The following ITGBL1 variants were observed in gnomAD, a reference collection of about 807,000 sequenced individuals.
The protein encoded by ITGBL1 is integrin beta-like protein 1.
ITGBL1 carries 51 observed loss-of-function variants against 68.5 expected under a neutral mutation model. The ratio of observed to expected loss-of-function variants is 0.74; its 90% CI spans 0.59 to 0.94. The LOEUF (loss-of-function observed/expected upper bound fraction) is 0.94, where lower values mean the gene tolerates loss of function less well. ITGBL1 is among the 40% of genes least tolerant of loss of function. The pLI is 0.00. For synonymous variants in ITGBL1, 209 were observed against 227.3 expected (o/e 0.92, Z 0.72); for missense variants, 649 against 647.4 (o/e 1.00, Z -0.03).
intron 2 of ITGBL1, among the ~76,000 whole-genome samples, chr13:101,459,528 A>C (rs1038942567): frequency 6.6e-6 from 1 of 152,104 alleles, no homozygotes; most frequent in Non-Finnish European, 1.5e-5. Flanking sequence ...GGATGGCTTG[A>C]TCTCAGGAGT....
intron 7 of ITGBL1, among the ~76,000 whole-genome samples, chr13:101,623,236 G>A (rs1182571157): frequency 5.3e-5 from 8 of 151,770 alleles, no homozygotes; most frequent in Non-Finnish European, 1.0e-4. Flanking sequence ...TTATAATTTA[G>A]CTTGATCCCA....
intron 7 of ITGBL1, among the ~76,000 whole-genome samples, chr13:101,632,861 C>T (rs1247065540): frequency 6.6e-6 from 1 of 152,148 alleles, no homozygotes; most frequent in Non-Finnish European, 1.5e-5. Context: ...CTAAGTCTAG[C>T]CTTCAGTTTA....
intron 7 of ITGBL1, among the ~76,000 whole-genome samples, chr13:101,607,429 T>C (rs773099082): frequency 1.3e-5 from 2 of 152,036 alleles, no homozygotes; most frequent in Non-Finnish European, 2.9e-5. Context: ...TGCAGAATAA[T>C]TGAAATGGCT....
chr13:101,457,356 T>A (rs2048258499), intron 2 of ITGBL1, among the ~76,000 whole-genome samples: 1 of 152,222 alleles, frequency 6.6e-6, no homozygotes, highest in Non-Finnish European at 1.5e-5. Flanking sequence ...ATAACTATTT[T>A]GGCCCAGCCT....
chr13:101,714,608 G>A, intron 10 of ITGBL1, 57 bp downstream of exon 10: 2 of 1,033,722 alleles, frequency 1.9e-6, no homozygotes, highest in Non-Finnish European at 3.1e-6. Context: ...AGAGCCAAGA[G>A]ACACTCGTCA....
At chr13:101,456,301 C>T (rs760163753) in intron 2 of ITGBL1, among the ~76,000 whole-genome samples, 4 of 152,318 alleles carry the variant, frequency 2.6e-5, no homozygotes, top group South Asian at 2.1e-4. Flanking sequence ...AATCTGTCCC[C>T]GCAAATGCCC....
intron 7 of ITGBL1, among the ~76,000 whole-genome samples, chr13:101,625,755 C>T (rs1317702936): frequency 1.3e-5 from 2 of 151,932 alleles, no homozygotes; most frequent in Non-Finnish European, 2.9e-5. Flanking sequence ...GGTTTCATCA[C>T]GTTGGCCAGG....
chr13:101,605,530 A>G (rs1369075579), intron 7 of ITGBL1, among the ~76,000 whole-genome samples: 2 of 151,596 alleles, frequency 1.3e-5, no homozygotes, highest in Non-Finnish European at 2.9e-5. Context: ...AGACATATGT[A>G]TATGCGTATA....
intron 7 of ITGBL1, among the ~76,000 whole-genome samples, chr13:101,626,057 T>A (rs2139398075): frequency 6.6e-6 from 1 of 152,336 alleles, no homozygotes; most frequent in East Asian, 1.9e-4. Context: ...ATTGAGTTGA[T>A]GGGCCTCTTA....
intron 2 of ITGBL1, among the ~76,000 whole-genome samples, chr13:101,511,257 A>G (rs1183582146): frequency 6.6e-6 from 1 of 152,142 alleles, no homozygotes; most frequent in African/African-American, 2.4e-5. Flanking sequence ...TGCAGAAAGT[A>G]TGGGTTCACC....
chr13:101,590,955 G>T (rs1210499044), intron 6 of ITGBL1, among the ~76,000 whole-genome samples: 2 of 151,938 alleles, frequency 1.3e-5, no homozygotes, highest in African/African-American at 4.8e-5. Context: ...ACAGGCTGGC[G>T]TGCAGTGGCA....
intron 7 of ITGBL1, among the ~76,000 whole-genome samples, chr13:101,639,220 TA>T (rs1344340486): frequency 6.6e-6 from 1 of 152,152 alleles, no homozygotes; most frequent in Non-Finnish European, 1.5e-5. Context: ...ATCTAGAAAT[TA>T]CAAAAAAATT....
chr13:101,458,216 G>A (rs1395815954), intron 2 of ITGBL1, among the ~76,000 whole-genome samples: 1 of 152,216 alleles, frequency 6.6e-6, no homozygotes, highest in African/African-American at 2.4e-5. Flanking sequence ...CATTGAGCCA[G>A]GGGTTATATA....
intron 6 of ITGBL1, among the ~76,000 whole-genome samples, chr13:101,593,241 A>C (rs1313003645): frequency 8.7e-6 from 1 of 115,064 alleles, no homozygotes; most frequent in African/African-American, 3.5e-5. Flanking sequence ...TTTATTATAG[A>C]ATTATAATAA....
At chr13:101,629,793 A>C (rs2031912742) in intron 7 of ITGBL1, among the ~76,000 whole-genome samples, 1 of 151,956 alleles carries the variant, frequency 6.6e-6, no homozygotes, top group Non-Finnish European at 1.5e-5. Flanking sequence ...CCATTTTCCA[A>C]TTCTCCCATA....
At chr13:101,676,214 TTTG>T (rs1258277863) in intron 7 of ITGBL1, among the ~76,000 whole-genome samples, 4 of 152,088 alleles carry the variant, frequency 2.6e-5, no homozygotes, top group Admixed American at 6.6e-5. Context: ...GTTTTGCATT[TTTG>T]TTGTTGTTGT....
At chr13:101,508,628 A>T (rs912042547) in intron 2 of ITGBL1, among the ~76,000 whole-genome samples, 93 of 152,118 alleles carry the variant, frequency 6.1e-4, no homozygotes, top group Non-Finnish European at 1.1e-3. Flanking sequence ...GTTTTATTAT[A>T]TTATGGATAT....
intron 2 of ITGBL1, among the ~76,000 whole-genome samples, chr13:101,534,704 A>G (rs1344281548): frequency 6.6e-6 from 1 of 152,168 alleles, no homozygotes; most frequent in Non-Finnish European, 1.5e-5. Context: ...TTAAATGTTC[A>G]TAAAGGTCAA....
intron 4 of ITGBL1, among the ~76,000 whole-genome samples, chr13:101,577,803 G>A (rs2050388511): frequency 1.3e-5 from 2 of 151,982 alleles, no homozygotes; most frequent in Non-Finnish European, 2.9e-5. Context: ...TGTGATTTGT[G>A]TGTGCAAGTA....
Sources: gnomAD v4.1 joint callset for allele counts (sites outside exome capture counted in the v4.1 genomes callset) on GRCh38, gnomAD v4.1.1 for gene constraint, MANE v1.5 for transcripts, NCBI Gene and HGNC (gene_info 2026-07-23, HGNC 2026-07-21) for gene names.